The following KLF12 variants were observed in gnomAD, a reference collection of about 807,000 sequenced individuals.
KLF12 encodes the protein KLF transcription factor 12, also known as Krueppel-like factor 12.
In KLF12, 9 loss-of-function variants were observed where a neutral mutation model predicts 37.8. That is an observed-to-expected ratio of 0.24 (90% CI 0.14 to 0.42). The LOEUF (loss-of-function observed/expected upper bound fraction) is 0.42, where lower values mean the gene tolerates loss of function less well. Ranked by LOEUF, KLF12 falls within the 10% of genes least tolerant of loss-of-function variation. KLF12 has a pLI of 1.00. For missense variants in KLF12, 411 were observed against 516.0 expected, an observed-to-expected ratio of 0.80 and a Z score of 1.97; for synonymous variants, 208 against 202.1, an observed-to-expected ratio of 1.03 and a Z score of -0.25.
chr13:74,134,914 A>G (rs1946946732), upstream of KLF12, among the ~76,000 whole-genome samples: 1 of 151,826 alleles, frequency 6.6e-6, no homozygotes, highest in Non-Finnish European at 1.5e-5. Context: ...CTCGCCCGCC[A>G]GCGAACTTGG....
intron 2 of KLF12, among the ~76,000 whole-genome samples, chr13:73,989,515 A>G (rs1891909989): frequency 6.6e-6 from 1 of 152,190 alleles, no homozygotes; most frequent in Non-Finnish European, 1.5e-5. Flanking sequence ...GCGCTCCCTC[A>G]TGACGTGGCA....
chr13:74,152,746 G>A, the KLF12 span, among the ~76,000 whole-genome samples: 2 of 151,762 alleles, frequency 1.3e-5, no homozygotes, highest in Non-Finnish European at 2.9e-5. Flanking sequence ...GCTGAGGATA[G>A]TGGTGTGCAC....
intron 3 of KLF12, among the ~76,000 whole-genome samples, chr13:73,882,995 G>A (rs75854297): frequency 0.019 from 2,894 of 152,200 alleles, 54 homozygotes; most frequent in South Asian, 0.035. Flanking sequence ...ATCGTCTTCT[G>A]TTAAATTTAA....
chr13:73,714,159 G>C (rs902737980), intron 7 of KLF12, among the ~76,000 whole-genome samples: 3 of 152,146 alleles, frequency 2.0e-5, no homozygotes, highest in African/African-American at 7.2e-5. Flanking sequence ...GTAGAAAAGA[G>C]AGGCTGGGTG....
At chr13:73,971,939 T>C (rs1891356084) in intron 2 of KLF12, among the ~76,000 whole-genome samples, 1 of 152,192 alleles carries the variant, frequency 6.6e-6, no homozygotes, top group Non-Finnish European at 1.5e-5. Context: ...TTAAATAGTA[T>C]TGTTTTCTAC....
intron 1 of KLF12, among the ~76,000 whole-genome samples, chr13:74,112,452 G>T (rs1256731540): frequency 6.6e-6 from 1 of 151,152 alleles, no homozygotes; most frequent in Non-Finnish European, 1.5e-5. Context: ...CAAATTAAAA[G>T]TTTTTGGCAA....
At chr13:74,282,360 T>C in the KLF12 span, among the ~76,000 whole-genome samples, 1 of 152,196 alleles carries the variant, frequency 6.6e-6, no homozygotes, top group Admixed American at 6.5e-5. Context: ...TTAAATCCAG[T>C]CCTCTTCCTT....
chr13:73,720,115 C>T (rs1344967094), intron 6 of KLF12, among the ~76,000 whole-genome samples: 1 of 152,004 alleles, frequency 6.6e-6, no homozygotes, highest in Non-Finnish European at 1.5e-5. Context: ...TTTCTTTTGA[C>T]CCTAACAGGC....
At chr13:74,129,105 C>A (rs949332483) in intron 1 of KLF12, among the ~76,000 whole-genome samples, 1 of 152,088 alleles carries the variant, frequency 6.6e-6, no homozygotes, top group Non-Finnish European at 1.5e-5. Flanking sequence ...CAGCAGATAC[C>A]AAAATCCATG....
intron 1 of KLF12, among the ~76,000 whole-genome samples, chr13:74,017,724 T>A (rs1194736325): frequency 6.6e-6 from 1 of 152,096 alleles, no homozygotes; most frequent in African/African-American, 2.4e-5. Context: ...TCTATACATG[T>A]ATATGTATAA....
intron 2 of KLF12, among the ~76,000 whole-genome samples, chr13:73,964,502 G>A (rs527646119): frequency 1.3e-5 from 2 of 151,990 alleles, no homozygotes; most frequent in African/African-American, 4.8e-5. Context: ...GAGCACGGTG[G>A]CTCATGCCTG....
At chr13:74,249,798 T>C in the KLF12 span, among the ~76,000 whole-genome samples, 1 of 152,068 alleles carries the variant, frequency 6.6e-6, no homozygotes, top group Non-Finnish European at 1.5e-5. Context: ...TATATGAATA[T>C]CATGAGGAGG....
chr13:74,262,659 CA>C, the KLF12 span, among the ~76,000 whole-genome samples: 1 of 152,150 alleles, frequency 6.6e-6, no homozygotes, highest in African/African-American at 2.4e-5. Flanking sequence ...ATGTCCACTA[CA>C]AACACAATTT....
At chr13:74,114,595 T>C (rs1877175728) in intron 1 of KLF12, among the ~76,000 whole-genome samples, 1 of 152,166 alleles carries the variant, frequency 6.6e-6, no homozygotes, top group Admixed American at 6.5e-5. Flanking sequence ...GGATGAAGTA[T>C]GAATGAAAGG....
intron 1 of KLF12, among the ~76,000 whole-genome samples, chr13:74,000,361 C>T (rs770582064): frequency 4.6e-5 from 7 of 152,062 alleles, no homozygotes; most frequent in Non-Finnish European, 8.8e-5. Flanking sequence ...GTTCATAATT[C>T]CTCCATTAAG....
At chr13:73,935,398 G>A (rs1011675875) in intron 3 of KLF12, among the ~76,000 whole-genome samples, 26 of 152,118 alleles carry the variant, frequency 1.7e-4, no homozygotes, top group African/African-American at 5.3e-4. Context: ...GTATGATATG[G>A]TTTGGAAGTT....
At chr13:74,241,374 G>C in the KLF12 span, among the ~76,000 whole-genome samples, 23,839 of 151,950 alleles carry the variant, frequency 0.16, 2,595 homozygotes, top group African/African-American at 0.32. Context: ...ATTTAAGTCT[G>C]CAGAGGTTAC....
chr13:73,706,055 G>A (rs1051096768), intron 7 of KLF12, among the ~76,000 whole-genome samples: 1 of 152,300 alleles, frequency 6.6e-6, no homozygotes, highest in Non-Finnish European at 1.5e-5. Flanking sequence ...GGGAGGCTGA[G>A]GCAGGAGAAT....
intron 5 of KLF12, among the ~76,000 whole-genome samples, chr13:73,805,337 A>C (rs895200274): frequency 2.6e-5 from 4 of 152,070 alleles, no homozygotes; most frequent in African/African-American, 9.7e-5. Flanking sequence ...TTTAAAATTA[A>C]TGCTGGATGT....
Sources: gnomAD v4.1 joint callset for allele counts (sites outside exome capture counted in the v4.1 genomes callset) on GRCh38, gnomAD v4.1.1 for gene constraint, MANE v1.5 for transcripts, NCBI Gene and HGNC (gene_info 2026-07-23, HGNC 2026-07-21) for gene names.